GIGYF1: variants seen among roughly 807,000 people sequenced by gnomAD.
GIGYF1 encodes the protein GRB10 interacting GYF protein 1.
A neutral mutation model predicts 147.1 loss-of-function variants in GIGYF1; 84 were observed. The ratio of observed to expected loss-of-function variants is 0.57; its 90% CI spans 0.48 to 0.68. GIGYF1 has a LOEUF of 0.68. Among genes scored for constraint, GIGYF1 ranks in the 30% least tolerant of loss-of-function variants. GIGYF1 has a pLI of 0.00. For synonymous variants in GIGYF1, 752 were observed against 589.5 expected (o/e 1.28, Z -3.99); for missense variants, 1,485 against 1,393.7 (o/e 1.07, Z -1.04).
chr7:100,684,995 GCAGGT>G, intron 14 of GIGYF1, 49 bp downstream of exon 14: 4 of 1,557,622 alleles, frequency 2.6e-6, no homozygotes, highest in South Asian at 2.3e-5. Context: ...CTGGGGCCAA[GCAGGT>G]CAGGTCAGAA....
rs149834159 is a variant in GIGYF1, at chr7:100,687,590, G to A, written c.288C>T (p.Ser96=). ...TCCCCATCAGCCTCAGCACAGCCAC[G>A]CTGTTCACTGACAGGGAGAAGTTTC... ...EQRNFSLSVN[S]VAVLRLMGKG... Residue 96 remains serine (S), a synonymous_variant, in exon 7 of 27, where the codon AGC becomes AGT. Coordinates refer to ENST00000678049, the MANE Select transcript of GIGYF1 (RefSeq NM_001375765.1). The A allele has an allele frequency of 1.6e-5, 25 of 1,612,130 alleles. No homozygotes were observed. The Admixed American group carries it at 1.7e-4, about 11-fold the overall frequency.
chr7:100,683,933 G>A lies in GIGYF1; in HGVS notation c.1869-15C>T. ...GGTCCCCGCCTCTGAGGAGCAAATT[G>A]TGGATTCTTAGGACCCCAAATCCAT... On this transcript the variant is annotated splice_polypyrimidine_tract_variant and intron_variant, in intron 18 of 26. Transcript: ENST00000678049. 2 of 1,558,730 alleles carry A rather than the reference G, an allele frequency of 1.3e-6. No homozygotes were observed. Among genetic ancestry groups the A allele is most frequent in the Non-Finnish European group, 1.7e-6 (2 of 1,151,574 alleles).
intron 12 of GIGYF1, among the ~76,000 whole-genome samples, 155 bp from the exon 13 acceptor site, chr7:100,685,636 T>C (rs1251783696): frequency 1.6e-4 from 25 of 152,152 alleles, no homozygotes; most frequent in Admixed American, 1.6e-3. Context: ...GCAGAGGGAA[T>C]GCGGTGCCCT....
At position 100,688,108 on chromosome 7, in the gene GIGYF1, A is replaced by G; in HGVS notation, c.38T>C (p.Leu13Pro). The G allele has an allele frequency of 6.2e-7, 1 of 1,607,348 alleles. No individual in the cohort carries two copies. The highest frequency in any genetic ancestry group is 8.5e-7 in the Non-Finnish European group (1 of 1,176,146). ...AETLNFGPEW[L>P]RALSGGGSVA... Reference sequence around the variant, plus strand: ...GCTGCCGCCCCCGGACAGGGCCCTGAGCCTGGACACAACACAGAGAGAAGA... The same window carrying G: ...GCTGCCGCCCCCGGACAGGGCCCTGGGCCTGGACACAACACAGAGAGAAGA... Residue 13 changes from leucine to proline, a missense_variant and splice_region_variant, in exon 5 of 27, where the codon CTC (leucine) becomes CCC (proline). Coordinates refer to ENST00000678049, the MANE Select transcript of GIGYF1 (RefSeq NM_001375765.1).
At chr7:100,693,961 A>T (rs921537516) in intron 1 of GIGYF1, 149 bp downstream of exon 1, 43 of 149,228 alleles carry the variant, frequency 2.9e-4, no homozygotes, top group African/African-American at 1.0e-3. Context: ...CTCGGGGAGG[A>T]GACGGGGGAG....
rs762147410 is a variant in GIGYF1 at position 100,685,034 on chromosome 7, C to G, written c.1290+15G>C. On this transcript the variant is annotated intron_variant, in intron 14 of 26. Transcript: ENST00000678049. ...AAGTGGGAAGGGTCCCTCCCGCTTT[C>G]TCAGGCCCCCACACCTGCTGCAGGT... is the stretch of plus-strand genomic sequence containing the variant. The G allele has an allele frequency of 7.0e-6, 11 of 1,561,062 alleles. No homozygotes were observed. The Middle Eastern group carries it at 5.0e-4, about 71-fold the overall frequency.
intron 14 of GIGYF1, 41 bp downstream of exon 14, chr7:100,685,008 G>C (rs1425739398): frequency 1.3e-6 from 2 of 1,552,184 alleles, no homozygotes; most frequent in African/African-American, 1.4e-5. Context: ...GGTCAGGTCA[G>C]AAGTGGGAAG....
Position 100,688,217 on chromosome 7 carries a change from A to C in GIGYF1, c.22T>G (p.Phe8Val). The C allele has an allele frequency of 7.2e-7, 1 of 1,384,394 alleles. No homozygotes were observed. Among genetic ancestry groups the C allele is most frequent in the Non-Finnish European group, 9.7e-7 (1 of 1,035,748 alleles). 85.8% of individuals were successfully genotyped at this position (1,384,394 alleles called of 1,614,324 possible). A position where few individuals can be genotyped will look rare whatever the true frequency, so the allele number is the denominator to read the frequency against. Reference sequence around the variant, plus strand: ...CAAGTGACTCACCACTCAGGCCCAAAGTTGAGTGTCTCTGCTGCCATCGTG... The same window carrying C: ...CAAGTGACTCACCACTCAGGCCCAACGTTGAGTGTCTCTGCTGCCATCGTG... MAAETLN[F>V]GPEWLRALSG... The change falls in exon 4 of 27, where the codon TTT becomes GTT. Residue 8 changes from phenylalanine (F) to valine (V), a missense_variant. Phe to Val is a conservative substitution (Grantham distance 50). Coordinates refer to ENST00000678049, the MANE Select transcript of GIGYF1 (RefSeq NM_001375765.1).
chr7:100,683,921 G>A lies in GIGYF1; in HGVS notation c.1869-3C>T, dbSNP rs1805049893. On this transcript the variant is annotated splice_polypyrimidine_tract_variant and splice_region_variant and intron_variant, in intron 18 of 26. Coordinates refer to ENST00000678049, the MANE Select transcript of GIGYF1 (RefSeq NM_001375765.1). Reference sequence around the variant, plus strand: ...GGAGCAGGTTCTGGTCCCCGCCTCTGAGGAGCAAATTGTGGATTCTTAGGA... The same window carrying A: ...GGAGCAGGTTCTGGTCCCCGCCTCTAAGGAGCAAATTGTGGATTCTTAGGA... 2.6e-6 allele frequency: 4 copies of A among 1,557,012 alleles called. No individual in the cohort carries two copies. Among genetic ancestry groups the A allele is most frequent in the East Asian group, 2.4e-5 (1 of 41,596 alleles).
chr7:100,687,185 C>T (rs576144938), intron 8 of GIGYF1, 113 bp downstream of exon 8: 14 of 1,451,258 alleles, frequency 9.6e-6, no homozygotes, highest in African/African-American at 4.2e-5. Flanking sequence ...TCAGGAGCAC[C>T]GGGATCTCGG....
At position 100,687,555 on chromosome 7, in the gene GIGYF1, C is replaced by G. The variant is rs747805291; in HGVS notation, c.323G>C (p.Gly108Ala). 1.5e-5 allele frequency: 24 copies of G among 1,612,524 alleles called. No individual in the cohort carries two copies. The highest frequency in any genetic ancestry group is 2.2e-5 in the East Asian group (1 of 44,872). Reference sequence around the variant, plus strand: ...TCGGGAGGTGCCAGCCAGGGGGGGGCCAGCCCCTTTCCCCATCAGCCTCAG... The same window carrying G: ...TCGGGAGGTGCCAGCCAGGGGGGGGGCAGCCCCTTTCCCCATCAGCCTCAG... The part of the protein sequence containing the change: ...AVLRLMGKGA[G>A]PPLAGTSRGR... The change falls in exon 7 of 27, where the codon GGC (glycine) becomes GCC (alanine). Residue 108 changes from glycine (G) to alanine (A), a missense_variant. Coordinates refer to ENST00000678049, the MANE Select transcript of GIGYF1 (RefSeq NM_001375765.1).
At chr7:100,690,411 A>G (rs1398865271) in intron 1 of GIGYF1, among the ~76,000 whole-genome samples, 2 of 152,162 alleles carry the variant, frequency 1.3e-5, no homozygotes, top group Admixed American at 1.3e-4. Context: ...GGGAGGCTTG[A>G]AGAGAGGAGT....
intron 13 of GIGYF1, 98 bp from the exon 14 acceptor site, chr7:100,685,244 T>A: frequency 6.6e-7 from 1 of 1,525,144 alleles, no homozygotes; most frequent in Non-Finnish European, 8.9e-7. Context: ...TTGCCATGGC[T>A]CCTCAATGTG....
intron 1 of GIGYF1, among the ~76,000 whole-genome samples, chr7:100,691,699 C>T (rs947444908): frequency 1.2e-4 from 19 of 152,074 alleles, no homozygotes; most frequent in African/African-American, 7.2e-5. Flanking sequence ...TCCAGCCTGT[C>T]CCCCGCCCTG....
rs781239483 is a variant in GIGYF1 at position 100,685,456 on chromosome 7, A to C, written c.1080T>G (p.Pro360=). 4.4e-6 allele frequency: 7 copies of C among 1,598,518 alleles called. No homozygotes were observed. The highest frequency in any genetic ancestry group is 1.1e-5 in the South Asian group (1 of 88,768). The part of the protein sequence containing the change: ...EAGGKELTPL[P]PQEEKSSSPS... ...GGGAGCTGGACTTCTCCTCCTGAGG[A>C]GGCAGTGGGGTCAGCTCTTTCCCAC... The change falls in exon 13 of 27, where the codon CCT becomes CCG. Residue 360 remains proline (P), a synonymous_variant. Coordinates refer to ENST00000678049, the MANE Select transcript of GIGYF1 (RefSeq NM_001375765.1).
rs770926718 is a variant in GIGYF1 at position 100,681,754 on chromosome 7, A to T, written c.3073T>A (p.Ser1025Thr). The change falls in exon 27 of 27, where the codon TCT becomes ACT. Residue 1025 changes from serine (S) to threonine (T), a missense_variant. Transcript: ENST00000678049. The part of the protein sequence containing the change: ...PSILGYSLHG[S>T]SGEIESVDDY The stretch of plus-strand genomic sequence containing the variant: ...TCCACGCTCTCGATCTCACCAGAAG[A>T]TCCGTGCAGGGAGTACCCTGAAGCC... 2 of 1,584,420 alleles carry T rather than the reference A, an allele frequency of 1.3e-6. No individual in the cohort carries two copies. The highest frequency in any genetic ancestry group is 2.3e-5 in the South Asian group (2 of 86,234).
At chr7:100,686,102 G>A (rs1464753092) in intron 11 of GIGYF1, 23 bp from the exon 12 acceptor site, 1 of 1,590,042 alleles carries the variant, frequency 6.3e-7, no homozygotes, top group Non-Finnish European at 8.6e-7. Flanking sequence ...GGGGTGGGGA[G>A]CAGAGAACAG....
chr7:100,688,746 G>A lies in GIGYF1; in HGVS notation c.-289C>T. 1 of 326,510 alleles carries A rather than the reference G, an allele frequency of 3.1e-6. No homozygotes were observed. The highest frequency in any genetic ancestry group is 2.4e-5 in the South Asian group (1 of 41,132). 20.2% of individuals were successfully genotyped at this position (326,510 alleles called of 1,614,324 possible). A position where few individuals can be genotyped will look rare whatever the true frequency, so the allele number is the denominator to read the frequency against. ...TAAGGAGAGCAGGGGGGAGGAGGGA[G>A]GGTTCAGGACATGGCTCTGCCGGCA... On this transcript the variant is annotated 5_prime_UTR_variant, in exon 2 of 27. Transcript: ENST00000678049.
chr7:100,686,590 T>A (rs765668985), intron 10 of GIGYF1, 59 bp downstream of exon 10: 2 of 1,552,306 alleles, frequency 1.3e-6, no homozygotes, highest in Admixed American at 1.8e-5. Flanking sequence ...GAGCCCACCC[T>A]CTCATTACAG....
Sources: allele counts gnomAD v4.1 joint callset (sites outside exome capture counted in the v4.1 genomes callset), GRCh38; gene constraint gnomAD v4.1.1; transcripts MANE v1.5; gene names NCBI Gene and HGNC (gene_info 2026-07-23, HGNC 2026-07-21).